The following VGLL4 variants were observed in gnomAD, a reference collection of about 807,000 sequenced individuals.
VGLL4 encodes vestigial like family member 4, also known as transcription cofactor vestigial-like protein 4.
VGLL4 carries 7 observed loss-of-function variants against 21.0 expected under a neutral mutation model. The ratio of observed to expected loss-of-function variants is 0.33; its 90% CI spans 0.19 to 0.63. The LOEUF is 0.63. Among genes scored for constraint, VGLL4 ranks in the 20% least tolerant of loss-of-function variants. The probability of loss-of-function intolerance (pLI) is 0.78; values close to 1 mark genes in which losing one functional copy is unlikely to be tolerated. For missense variants in VGLL4, 394 were observed against 425.7 expected (o/e 0.93, Z 0.66); for synonymous variants, 222 against 173.2 (o/e 1.28, Z -2.21).
At chr3:11,715,464 G>C (rs2076907275) in intron 1 of VGLL4, among the ~76,000 whole-genome samples, 1 of 152,074 alleles carries the variant, frequency 6.6e-6, no homozygotes, top group African/African-American at 2.4e-5. Flanking sequence ...CTCCCTAGTA[G>C]TTGGGATCAC....
At chr3:11,638,514 A>C (rs1363798469) in intron 1 of VGLL4, among the ~76,000 whole-genome samples, 4 of 151,942 alleles carry the variant, frequency 2.6e-5, no homozygotes, top group African/African-American at 9.7e-5. Flanking sequence ...AGCTCCTCCT[A>C]GTTTCTTTCT....
chr3:11,559,263 A>C, intron 4 of VGLL4, 69 bp downstream of exon 4: 1 of 1,464,342 alleles, frequency 6.8e-7, no homozygotes, highest in Non-Finnish European at 9.0e-7. Context: ...TTCAGCCAAC[A>C]GCATGACAGA....
chr3:11,664,237 CAAA>C (rs1160422024), intron 2 of VGLL4, among the ~76,000 whole-genome samples: 2 of 151,960 alleles, frequency 1.3e-5, no homozygotes, highest in Non-Finnish European at 2.9e-5. Flanking sequence ...GAGTCCGTCT[CAAA>C]AAGAGAAAAA....
intron 1 of VGLL4, among the ~76,000 whole-genome samples, chr3:11,632,758 T>A (rs2075509192): frequency 1.3e-5 from 2 of 152,234 alleles, no homozygotes; most frequent in South Asian, 4.1e-4. Context: ...TTTATTTCCC[T>A]GTTGCTCATC....
intron 2 of VGLL4, among the ~76,000 whole-genome samples, chr3:11,587,853 G>GC (rs2074395278): frequency 6.6e-6 from 1 of 152,190 alleles, no homozygotes; most frequent in African/African-American, 2.4e-5. Context: ...GAAACCTGGG[G>GC]GGCTTCTTAC....
intron 1 of VGLL4, among the ~76,000 whole-genome samples, chr3:11,613,634 T>C (rs2075105203): frequency 1.3e-5 from 2 of 152,184 alleles, no homozygotes; most frequent in Non-Finnish European, 2.9e-5. Context: ...TAGTAGAAAG[T>C]GGGCTGTGGA....
rs1201171706 is a variant in VGLL4 at position 11,564,916 on chromosome 3, G to C, written c.376C>G (p.Leu126Val). Reference sequence around the variant, plus strand: ...CCAAGGCTGGGGAGGGAGGTGTACAGGTGGCTGCCGTGCAGGCTCATGGTG... The same window carrying C: ...CCAAGGCTGGGGAGGGAGGTGTACACGTGGCTGCCGTGCAGGCTCATGGTG... ...APTMSLHGSH[L>V]YTSLPSLGLE... Residue 126 changes from leucine to valine, a missense_variant, in exon 3 of 5, where the codon CTG becomes GTG. Coordinates refer to ENST00000430365, the MANE Select transcript of VGLL4 (RefSeq NM_001128219.3). 1.9e-6 allele frequency: 3 copies of C among 1,599,256 alleles called. No homozygotes were observed. Among genetic ancestry groups the C allele is most frequent in the Admixed American group, 1.7e-5 (1 of 58,110 alleles).
intron 1 of VGLL4, among the ~76,000 whole-genome samples, chr3:11,708,341 T>C (rs2076790779): frequency 6.6e-6 from 1 of 152,150 alleles, no homozygotes; most frequent in Non-Finnish European, 1.5e-5. Context: ...GAATGGAAGT[T>C]GAGACCTAAA....
intron 2 of VGLL4, among the ~76,000 whole-genome samples, chr3:11,586,191 CATT>C: frequency 6.6e-6 from 1 of 152,150 alleles, no homozygotes; most frequent in South Asian, 2.1e-4. Context: ...GAGATCATAT[CATT>C]GTCTGCACAC....
intron 2 of VGLL4, among the ~76,000 whole-genome samples, chr3:11,572,054 C>T (rs62248260): frequency 0.15 from 23,427 of 152,106 alleles, 2,080 homozygotes; most frequent in South Asian, 0.3. Context: ...TTGCAGTGAG[C>T]TGAGATCTGC....
intron 2 of VGLL4, among the ~76,000 whole-genome samples, chr3:11,595,753 G>A (rs1434514499): frequency 7.9e-5 from 12 of 151,258 alleles, no homozygotes; most frequent in South Asian, 2.1e-4. Flanking sequence ...ACCAAACACC[G>A]CATGTTCTCA....
intron 2 of VGLL4, among the ~76,000 whole-genome samples, chr3:11,594,632 C>T (rs1160869117): frequency 2.0e-5 from 3 of 152,238 alleles, no homozygotes; most frequent in Non-Finnish European, 4.4e-5. Flanking sequence ...TGTTACACTG[C>T]ACCCACTGTT....
chr3:11,708,122 C>T (rs1403094898), intron 1 of VGLL4, among the ~76,000 whole-genome samples: 1 of 152,176 alleles, frequency 6.6e-6, no homozygotes, highest in East Asian at 1.9e-4. Flanking sequence ...GTGTCTATTT[C>T]CTCATCTGGA....
At chr3:11,652,420 T>C (rs1457830522) in intron 2 of VGLL4, among the ~76,000 whole-genome samples, 1 of 152,092 alleles carries the variant, frequency 6.6e-6, no homozygotes, top group Non-Finnish European at 1.5e-5. Flanking sequence ...ATGGTGTTTT[T>C]TGTTTTTTTG....
At chr3:11,615,343 T>A (rs996641931) in intron 1 of VGLL4, among the ~76,000 whole-genome samples, 3 of 152,240 alleles carry the variant, frequency 2.0e-5, no homozygotes, top group Non-Finnish European at 4.4e-5. Flanking sequence ...GACACTGATG[T>A]TTTTAAATAA....
At chr3:11,720,342 C>T (rs1187167695) in intron 1 of VGLL4, 1 of 147,234 alleles carries the variant, frequency 6.8e-6, no homozygotes, top group Non-Finnish European at 1.5e-5. Flanking sequence ...GTCGCCCCCT[C>T]TCGGCACCCG....
intron 2 of VGLL4, among the ~76,000 whole-genome samples, chr3:11,665,393 C>T (rs1032769671): frequency 6.6e-6 from 1 of 151,914 alleles, no homozygotes; most frequent in Non-Finnish European, 1.5e-5. Flanking sequence ...GATTACAGGC[C>T]TGAGCCACCG....
intron 1 of VGLL4, chr3:11,611,932 A>AGGTG (rs1376598526): frequency 6.6e-6 from 1 of 151,782 alleles, no homozygotes; most frequent in African/African-American, 2.4e-5. Flanking sequence ...AGTGGGTCTG[A>AGGTG]GGTGGGACCT....
chr3:11,697,647 G>A (rs186063295), intron 2 of VGLL4, among the ~76,000 whole-genome samples: 12 of 152,272 alleles, frequency 7.9e-5, no homozygotes, highest in South Asian at 2.1e-4. Context: ...TAAACATTAC[G>A]TTATCATTAA....
Sources: allele counts gnomAD v4.1 joint callset (sites outside exome capture counted in the v4.1 genomes callset), GRCh38; gene constraint gnomAD v4.1.1; transcripts MANE v1.5; gene names NCBI Gene and HGNC (gene_info 2026-07-23, HGNC 2026-07-21).